The following LRRTM4 variants were observed in gnomAD, a reference collection of about 807,000 sequenced individuals.
The protein encoded by LRRTM4 is leucine rich repeat transmembrane neuronal 4, also known as leucine-rich repeat transmembrane neuronal protein 4.
LRRTM4 carries 25 observed loss-of-function variants against 47.6 expected under a neutral mutation model. That is an observed-to-expected ratio of 0.53 (90% confidence interval 0.38 to 0.73). The LOEUF is 0.73. Ranked by LOEUF, LRRTM4 falls within the 30% of genes least tolerant of loss-of-function variation. LRRTM4 has a pLI of 0.00. For synonymous variants in LRRTM4, 311 were observed against 269.5 expected (o/e 1.15, Z -1.51); for missense variants, 638 against 713.4 (o/e 0.89, Z 1.20).
At chr2:77,368,667 G>A (rs2103763238) in intron 3 of LRRTM4, among the ~76,000 whole-genome samples, 1 of 151,806 alleles carries the variant, frequency 6.6e-6, no homozygotes, top group East Asian at 1.9e-4. Context: ...GCTGGAATCT[G>A]AAAATAAAGA....
chr2:77,047,017 G>T (rs1409124585), intron 3 of LRRTM4, among the ~76,000 whole-genome samples: 1 of 152,026 alleles, frequency 6.6e-6, no homozygotes, highest in Non-Finnish European at 1.5e-5. Flanking sequence ...GATACATTCT[G>T]CTATAATTTG....
At chr2:76,925,019 T>C (rs1573321128) in intron 3 of LRRTM4, among the ~76,000 whole-genome samples, 1 of 152,068 alleles carries the variant, frequency 6.6e-6, no homozygotes, top group Non-Finnish European at 1.5e-5. Context: ...AACTTACATC[T>C]AAACATAAAA....
intron 3 of LRRTM4, among the ~76,000 whole-genome samples, chr2:77,116,708 A>T (rs11901367): frequency 0.61 from 93,225 of 151,840 alleles, 29,534 homozygotes; most frequent in African/African-American, 0.77. Context: ...AAGGACTCTT[A>T]CTTTTATTTT....
chr2:76,858,124 C>T (rs7580522), intron 3 of LRRTM4, among the ~76,000 whole-genome samples: 15,190 of 152,120 alleles, frequency 0.1, 2,346 homozygotes, highest in African/African-American at 0.33. Flanking sequence ...GACTGAGTCA[C>T]AGGATGCCCA....
chr2:76,753,399 T>C (rs1672917356), intron 3 of LRRTM4, among the ~76,000 whole-genome samples: 1 of 152,198 alleles, frequency 6.6e-6, no homozygotes, highest in African/African-American at 2.4e-5. Context: ...AGTTTCCATT[T>C]AGAGAGATGC....
chr2:76,788,860 T>G (rs1023558113), intron 3 of LRRTM4, among the ~76,000 whole-genome samples: 11 of 131,150 alleles, frequency 8.4e-5, no homozygotes, highest in African/African-American at 2.7e-4. Context: ...AATGTTTTTG[T>G]GTCTATGGGG....
chr2:77,068,418 C>T (rs1295045238), intron 3 of LRRTM4, among the ~76,000 whole-genome samples: 1 of 152,142 alleles, frequency 6.6e-6, no homozygotes, highest in Non-Finnish European at 1.5e-5. Context: ...CCATTTCCTA[C>T]ACTCTAAAAT....
At chr2:76,775,054 A>G (rs1673904068) in intron 3 of LRRTM4, among the ~76,000 whole-genome samples, 1 of 152,144 alleles carries the variant, frequency 6.6e-6, no homozygotes, top group South Asian at 2.1e-4. Flanking sequence ...TCCAAGATAC[A>G]TATCTTGAAA....
rs904550656 is a variant in LRRTM4, at chr2:77,168,282, C to T, written c.1551+350036G>A. ...TCTCTATGTATCTTTATTTTTCTAA[C>T]ATATTTTAGAAAATATTTTTACCTG... On this transcript the variant is annotated intron_variant, in intron 3 of 3. Coordinates refer to ENST00000409884, the MANE Select transcript of LRRTM4 (RefSeq NM_001134745.3). Among the ~76,000 whole-genome samples, 3 of 151,900 alleles carry T rather than the reference C, an allele frequency of 2.0e-5. No individual in the cohort carries two copies. The East Asian group carries it at 5.8e-4, about 29-fold the overall frequency.
chr2:76,934,953 C>G (rs1404613431), intron 3 of LRRTM4, among the ~76,000 whole-genome samples: 1 of 144,740 alleles, frequency 6.9e-6, no homozygotes, highest in African/African-American at 2.8e-5. Flanking sequence ...TTTCCCAATT[C>G]CATATTCTTT....
At chr2:77,095,600 G>C (rs889706425) in intron 3 of LRRTM4, among the ~76,000 whole-genome samples, 2 of 150,926 alleles carry the variant, frequency 1.3e-5, no homozygotes, top group African/African-American at 4.9e-5. Flanking sequence ...CCCCCTCCCC[G>C]GTTCAAATGA....
intron 3 of LRRTM4, among the ~76,000 whole-genome samples, chr2:76,802,058 G>A (rs1320717935): frequency 1.3e-5 from 2 of 151,992 alleles, no homozygotes; most frequent in Non-Finnish European, 2.9e-5. Flanking sequence ...CTAAAACCAG[G>A]AACAAGACAA....
intron 3 of LRRTM4, among the ~76,000 whole-genome samples, chr2:77,285,203 C>A (rs2104110596): frequency 1.3e-5 from 2 of 151,580 alleles, no homozygotes; most frequent in Admixed American, 6.6e-5. Flanking sequence ...TATTTGAGAG[C>A]ATTTCGGCAC....
At chr2:76,955,483 A>C (rs987855828) in intron 3 of LRRTM4, among the ~76,000 whole-genome samples, 2 of 151,850 alleles carry the variant, frequency 1.3e-5, no homozygotes, top group African/African-American at 4.8e-5. Flanking sequence ...ATGAGAAAGG[A>C]ATCAAAGTAT....
intron 3 of LRRTM4, among the ~76,000 whole-genome samples, chr2:76,964,997 T>C (rs1009438977): frequency 1.1e-5 from 1 of 91,244 alleles, no homozygotes; most frequent in Non-Finnish European, 1.9e-5. Flanking sequence ...CAAAGAAAAA[T>C]AGATCTGATT....
At chr2:76,822,156 T>C (rs996413458) in intron 3 of LRRTM4, among the ~76,000 whole-genome samples, 1 of 151,554 alleles carries the variant, frequency 6.6e-6, no homozygotes, top group Non-Finnish European at 1.5e-5. Flanking sequence ...AATCCATTTC[T>C]TTTTTGAACA....
chr2:76,831,043 C>T (rs1334081634), intron 3 of LRRTM4, among the ~76,000 whole-genome samples: 1 of 152,056 alleles, frequency 6.6e-6, no homozygotes, highest in Non-Finnish European at 1.5e-5. Context: ...TGTGTTTGCT[C>T]TTACAAAGTT....
chr2:77,508,239 G>C (rs1453404987), intron 3 of LRRTM4, among the ~76,000 whole-genome samples: 1 of 152,084 alleles, frequency 6.6e-6, no homozygotes, highest in African/African-American at 2.4e-5. Context: ...CTGTGTATTG[G>C]GGAATGTGAA....
intron 3 of LRRTM4, among the ~76,000 whole-genome samples, chr2:77,432,208 G>C (rs1313777490): frequency 6.6e-6 from 1 of 152,202 alleles, no homozygotes; most frequent in East Asian, 1.9e-4. Flanking sequence ...AGGATACACT[G>C]GGTTGGGTTC....
Sources: allele counts gnomAD v4.1 joint callset (sites outside exome capture counted in the v4.1 genomes callset), GRCh38; gene constraint gnomAD v4.1.1; transcripts MANE v1.5; gene names NCBI Gene and HGNC (gene_info 2026-07-23, HGNC 2026-07-21).